Variants in KIN observed in about 807,000 individuals in gnomAD.
KIN encodes the protein DNA/RNA-binding protein KIN17.
Under a neutral mutation model 63.0 loss-of-function variants are expected in KIN, and 47 were observed. That is an observed-to-expected ratio of 0.75 (90% CI 0.59 to 0.95). The LOEUF is 0.95. KIN is among the 40% of genes least tolerant of loss of function. KIN has a pLI of 0.00. For synonymous variants in KIN, 160 were observed against 157.7 expected (o/e 1.01, Z -0.11); for missense variants, 408 against 460.9 (o/e 0.89, Z 1.05).
intron 12 of KIN, 99 bp from the exon 13 acceptor site, chr10:7,756,241 A>G (rs558810867): frequency 1.5e-5 from 9 of 581,882 alleles, no homozygotes; most frequent in Middle Eastern, 5.3e-4. Flanking sequence ...CCTTTTCCGC[A>G]TCCCTAAAAT....
rs192333368 is a variant in KIN, at chr10:7,751,750, G to C, written c.*4330C>G. On this transcript the variant is annotated 3_prime_UTR_variant, in exon 13 of 13. Coordinates refer to ENST00000379562, the MANE Select transcript of KIN (RefSeq NM_012311.4). ...TATTCAACATAAACTTCAAAAGTGA[G>C]ATTTTAGCATTAACTCTGTTATTTG... 6.6e-6 allele frequency: 1 copy of C among 152,210 alleles called. No homozygotes were observed. The highest frequency in any genetic ancestry group is 6.5e-5 in the Admixed American group (1 of 15,284). 9.4% of individuals were successfully genotyped at this position (152,210 alleles called of 1,614,324 possible).
chr10:7,769,174 C>T, intron 8 of KIN, 42 bp downstream of exon 8: 1 of 1,532,180 alleles, frequency 6.5e-7, no homozygotes, highest in Non-Finnish European at 8.8e-7. Context: ...ATTTAATTTT[C>T]CTTGGGTTCT....
Position 7,787,947 on chromosome 10 carries a change from G to A in KIN, c.-14C>T, listed in dbSNP as rs545812235. 8.2e-6 allele frequency: 13 copies of A among 1,590,306 alleles called. No homozygotes were observed. The highest frequency in any genetic ancestry group is 1.7e-4 in the Middle Eastern group (1 of 6,022). On this transcript the variant is annotated 5_prime_UTR_variant, in exon 1 of 13. Coordinates refer to ENST00000379562, the MANE Select transcript of KIN (RefSeq NM_012311.4). ...CGACTTCCCCATGGCGACCACGGCAGCGATCACTTTCTGGACCCCAGTACT... is the reference window on the plus strand; with the variant it reads ...CGACTTCCCCATGGCGACCACGGCAACGATCACTTTCTGGACCCCAGTACT...
intron 9 of KIN, among the ~76,000 whole-genome samples, chr10:7,765,060 G>A (rs909112393): frequency 2.6e-5 from 4 of 151,300 alleles, no homozygotes; most frequent in Non-Finnish European, 5.9e-5. Flanking sequence ...TAGGGAGGCT[G>A]AGGCAGGAAA....
chr10:7,757,482 A>T (rs1191849812), intron 12 of KIN, among the ~76,000 whole-genome samples: 1 of 152,026 alleles, frequency 6.6e-6, no homozygotes, highest in Non-Finnish European at 1.5e-5. Flanking sequence ...TGGGCGACAG[A>T]GTGAGACTCT....
Position 7,759,961 on chromosome 10 carries a change from A to G in KIN, c.1048T>C (p.Tyr350His), listed in dbSNP as rs1835407862. ...TCTAGGGTACCTTCATTTCCTCTGT[A>G]GCCTCCATTTAAAACTAGAATTCTT... ...GKRILVLNGG[Y>H]RGNEGTLESI... is the part of the protein sequence containing the mutation. Residue 350 changes from tyrosine to histidine, a missense_variant, in exon 12 of 13, where the codon TAC becomes CAC. Around this residue, in one of 2 missense-constraint regions of KIN, gnomAD observed 298 missense variants for 296.0 expected, o/e 1.01. Coordinates refer to ENST00000379562, the MANE Select transcript of KIN (RefSeq NM_012311.4). 2 of 1,533,140 alleles carry G rather than the reference A, an allele frequency of 1.3e-6. No individual in the cohort carries two copies. The highest frequency in any genetic ancestry group is 1.4e-5 in the African/African-American group (1 of 70,800). The allele number at this position is 1,533,140 out of a possible 1,614,324, so 95.0% of individuals were successfully genotyped here.
intron 2 of KIN, 25 bp from the exon 3 acceptor site, chr10:7,780,332 T>C (rs758596958): frequency 1.3e-6 from 2 of 1,564,878 alleles, no homozygotes; most frequent in Non-Finnish European, 8.7e-7. Context: ...AAGGAAAGCA[T>C]TAAGGTAATT....
At chr10:7,787,781 G>T in intron 1 of KIN, 39 bp downstream of exon 1, 1 of 1,477,964 alleles carries the variant, frequency 6.8e-7, no homozygotes, top group Non-Finnish European at 9.5e-7. Flanking sequence ...ATTGCCAGGG[G>T]CCCTCCTGGG....
In KIN at chr10:7,752,181, T is replaced by C. The variant is rs1835255790; in HGVS notation, c.*3899A>G. 6.6e-6 allele frequency: 1 copy of C among 151,544 alleles called. No homozygotes were observed. The highest frequency in any genetic ancestry group is 2.4e-5 in the African/African-American group (1 of 41,202). The allele number at this position is 151,544 out of a possible 1,614,324, so 9.4% of individuals were successfully genotyped here. Reference sequence around the variant, plus strand: ...AAATACTTGCAAAAGACACATTCGATAAAGAACACAACTGAAATATACAAA... The same window carrying C: ...AAATACTTGCAAAAGACACATTCGACAAAGAACACAACTGAAATATACAAA... On this transcript the variant is annotated 3_prime_UTR_variant, in exon 13 of 13. Coordinates refer to ENST00000379562, the MANE Select transcript of KIN (RefSeq NM_012311.4).
At chr10:7,756,239 G>T in intron 12 of KIN, 97 bp from the exon 13 acceptor site, 1 of 597,126 alleles carries the variant, frequency 1.7e-6, no homozygotes, top group South Asian at 2.7e-5. Context: ...TGCCTTTTCC[G>T]CATCCCTAAA....
chr10:7,782,835 T>C (rs1835924250), intron 2 of KIN, among the ~76,000 whole-genome samples: 2 of 152,214 alleles, frequency 1.3e-5, no homozygotes, highest in Non-Finnish European at 2.9e-5. Context: ...TTGTCACAAT[T>C]GTATTAGAAT....
chr10:7,783,732 T>C (rs543849908), intron 1 of KIN, among the ~76,000 whole-genome samples: 1 of 152,288 alleles, frequency 6.6e-6, no homozygotes, highest in South Asian at 2.1e-4. Flanking sequence ...TCCTTAATAT[T>C]TGACCCTCAT....
Position 7,751,476 on chromosome 10 carries a change from G to C in KIN, c.*4604C>G, listed in dbSNP as rs1198239639. 6.6e-6 allele frequency: 1 copy of C among 152,142 alleles called. No homozygotes were observed. The highest frequency in any genetic ancestry group is 1.9e-4 in the East Asian group (1 of 5,202). The allele number at this position is 152,142 out of a possible 1,614,324, so 9.4% of individuals were successfully genotyped here. A position where few individuals can be genotyped will look rare whatever the true frequency, so the allele number is the denominator to read the frequency against. On this transcript the variant is annotated 3_prime_UTR_variant, in exon 13 of 13. Coordinates refer to ENST00000379562, the MANE Select transcript of KIN (RefSeq NM_012311.4). ...GCCTATAATCCCAGCACTCTCGGAG[G>C]CCAAGGCAGGAGCATCACTGGAGGC...
At chr10:7,768,633 G>T (rs1269036880) in intron 8 of KIN, among the ~76,000 whole-genome samples, 1 of 152,152 alleles carries the variant, frequency 6.6e-6, no homozygotes, top group Non-Finnish European at 1.5e-5. Flanking sequence ...GAAGGAGGGA[G>T]GCCAACCATG....
At chr10:7,758,167 G>C (rs557834557) in intron 12 of KIN, among the ~76,000 whole-genome samples, 9 of 151,276 alleles carry the variant, frequency 5.9e-5, no homozygotes, top group Admixed American at 5.9e-4. Flanking sequence ...CTGCCTCCCA[G>C]GTTCAAGCGA....
At chr10:7,786,162 A>T (rs1337902642) in intron 1 of KIN, among the ~76,000 whole-genome samples, 1 of 152,228 alleles carries the variant, frequency 6.6e-6, no homozygotes, top group Non-Finnish European at 1.5e-5. Context: ...AGGTCCTAAT[A>T]ACCAAACCTA....
rs776973840 is a variant in KIN, at chr10:7,783,066, C to A, written c.209+15G>T. 3.5e-5 allele frequency: 50 copies of A among 1,432,972 alleles called. No homozygotes were observed. The East Asian group carries it at 1.2e-3, about 33-fold the overall frequency. The allele number at this position is 1,432,972 out of a possible 1,614,324, so 88.8% of individuals were successfully genotyped here. A position where few individuals can be genotyped will look rare whatever the true frequency, so the allele number is the denominator to read the frequency against. ...AATAAAGCCTATAAGATAAAGAGTT[C>A]TTTGAGTTACTTACTCTGAAAAATA... On this transcript the variant is annotated intron_variant, in intron 2 of 12. Transcript: ENST00000379562.
intron 9 of KIN, among the ~76,000 whole-genome samples, chr10:7,764,527 A>C (rs1835500730): frequency 6.6e-6 from 1 of 152,228 alleles, no homozygotes; most frequent in African/African-American, 2.4e-5. Context: ...GAATATATCA[A>C]AGAGATGGTC....
chr10:7,769,014 C>T (rs965173575), intron 8 of KIN, among the ~76,000 whole-genome samples: 1 of 152,054 alleles, frequency 6.6e-6, no homozygotes, highest in Non-Finnish European at 1.5e-5. Flanking sequence ...GAGACTCCAT[C>T]TCAAAAAAAT....
Sources: allele counts gnomAD v4.1 joint callset (sites outside exome capture counted in the v4.1 genomes callset), GRCh38; gene constraint gnomAD v4.1.1; regional missense constraint gnomAD v4.1.1; transcripts MANE v1.5; gene names NCBI Gene and HGNC (gene_info 2026-07-23, HGNC 2026-07-21).